Variants in AGBL1 observed in about 807,000 individuals in gnomAD.
AGBL1 encodes the protein AGBL carboxypeptidase 1, also known as cytosolic carboxypeptidase 4.
A neutral mutation model predicts 118.9 loss-of-function variants in AGBL1; 130 were observed. The observed-to-expected ratio is 1.09, with a 90% CI of 0.95 to 1.26. The LOEUF (loss-of-function observed/expected upper bound fraction) is 1.26, where lower values mean the gene tolerates loss of function less well. AGBL1 is among the 50% of genes most tolerant of loss of function. AGBL1 has a pLI of 0.00. For synonymous variants in AGBL1, 555 were observed against 478.9 expected, an observed-to-expected ratio of 1.16 and a Z score of -2.08; for missense variants, 1,584 against 1,298.1, an observed-to-expected ratio of 1.22 and a Z score of -3.38.
chr15:86,807,819 T>C (rs1046477893), intron 22 of AGBL1, among the ~76,000 whole-genome samples: 38 of 152,182 alleles, frequency 2.5e-4, no homozygotes, highest in Admixed American at 2.3e-3. Flanking sequence ...ACTTTTGTTA[T>C]CAAATAAAAA....
At chr15:86,139,593 T>C (rs995227481) in intron 1 of AGBL1, among the ~76,000 whole-genome samples, 2 of 150,758 alleles carry the variant, frequency 1.3e-5, no homozygotes, top group African/African-American at 4.9e-5. Flanking sequence ...AACTCGTCTC[T>C]TCTGAAAACA....
chr15:86,463,656 A>G (rs1457568161), intron 18 of AGBL1, among the ~76,000 whole-genome samples: 2 of 152,190 alleles, frequency 1.3e-5, no homozygotes, highest in Admixed American at 6.5e-5. Flanking sequence ...TTTTCTGCAT[A>G]TAGCTAGTGA....
At chr15:86,286,956 T>C (rs2079464727) in intron 16 of AGBL1, among the ~76,000 whole-genome samples, 1 of 152,084 alleles carries the variant, frequency 6.6e-6, no homozygotes, top group Non-Finnish European at 1.5e-5. Flanking sequence ...CCAAAATAGC[T>C]GCACTAATTT....
chr15:86,114,000 T>A (rs756107062), intron 1 of AGBL1, among the ~76,000 whole-genome samples: 1 of 152,230 alleles, frequency 6.6e-6, no homozygotes, highest in African/African-American at 2.4e-5. Flanking sequence ...AAGAGCATTC[T>A]ACACATAAGT....
intron 13 of AGBL1, among the ~76,000 whole-genome samples, chr15:86,269,607 T>C (rs909071333): frequency 1.3e-5 from 2 of 152,220 alleles, no homozygotes; most frequent in African/African-American, 4.8e-5. Context: ...ATTGTATTAT[T>C]GTATCAAAAT....
intron 5 of AGBL1, among the ~76,000 whole-genome samples, chr15:86,215,813 A>G (rs1474789778): frequency 6.6e-6 from 1 of 152,230 alleles, no homozygotes; most frequent in Non-Finnish European, 1.5e-5. Flanking sequence ...TGTACCATGA[A>G]GAACAGTTTG....
At chr15:86,296,853 T>C (rs2079653468) in intron 17 of AGBL1, 1 of 152,196 alleles carries the variant, frequency 6.6e-6, no homozygotes, top group Non-Finnish European at 1.5e-5. Flanking sequence ...CAATTATTTA[T>C]TTAAGAAAGT....
At chr15:86,245,907 GT>G (rs529206927) in intron 6 of AGBL1, among the ~76,000 whole-genome samples, 3 of 149,940 alleles carry the variant, frequency 2.0e-5, no homozygotes, top group Admixed American at 6.6e-5. Context: ...TTCTTTCTTT[GT>G]TTTTTTTTCT....
intron 1 of AGBL1, among the ~76,000 whole-genome samples, chr15:86,087,462 G>C (rs1432261123): frequency 6.6e-6 from 1 of 151,920 alleles, no homozygotes; most frequent in East Asian, 1.9e-4. Flanking sequence ...CTGAGTAGCT[G>C]GGATTATAGG....
chr15:86,495,831 A>T (rs1353172686), intron 18 of AGBL1, among the ~76,000 whole-genome samples: 1 of 151,540 alleles, frequency 6.6e-6, no homozygotes, highest in Non-Finnish European at 1.5e-5. Context: ...AGATTTTTTT[A>T]TCTTGCTTTT....
intron 5 of AGBL1, among the ~76,000 whole-genome samples, chr15:86,174,922 A>G (rs1389811375): frequency 3.3e-5 from 5 of 151,612 alleles, no homozygotes; most frequent in South Asian, 4.2e-4. Context: ...TTTGTTGAGG[A>G]CTTTTGCATC....
chr15:86,653,202 G>A (rs2085406301), intron 21 of AGBL1, among the ~76,000 whole-genome samples: 1 of 152,054 alleles, frequency 6.6e-6, no homozygotes, highest in African/African-American at 2.4e-5. Flanking sequence ...CATCCCAGGG[G>A]ATCCTGATAC....
intron 23 of AGBL1, among the ~76,000 whole-genome samples, chr15:86,956,254 TAGA>T (rs1449712070): frequency 2.0e-5 from 3 of 149,430 alleles, no homozygotes; most frequent in African/African-American, 5.0e-5. Context: ...GATAGATAGA[TAGA>T]TAGATTAGAT....
At chr15:86,734,392 G>A (rs1340402846) in intron 22 of AGBL1, among the ~76,000 whole-genome samples, 1 of 152,108 alleles carries the variant, frequency 6.6e-6, no homozygotes, top group Non-Finnish European at 1.5e-5. Flanking sequence ...GAACTTGATA[G>A]CAGGGAGTGA....
At chr15:86,727,211 G>T (rs2086834081) in intron 22 of AGBL1, among the ~76,000 whole-genome samples, 1 of 152,054 alleles carries the variant, frequency 6.6e-6, no homozygotes, top group African/African-American at 2.4e-5. Context: ...TATCAGGAAG[G>T]TGTGAGACAT....
At chr15:86,180,067 A>T (rs1356481684) in intron 5 of AGBL1, among the ~76,000 whole-genome samples, 1 of 152,056 alleles carries the variant, frequency 6.6e-6, no homozygotes, top group Non-Finnish European at 1.5e-5. Context: ...ATAGAGAGAT[A>T]ACTAGAGGTA....
chr15:86,150,103 G>T (rs558640727), intron 3 of AGBL1, among the ~76,000 whole-genome samples: 3 of 152,330 alleles, frequency 2.0e-5, no homozygotes, highest in East Asian at 1.9e-4. Context: ...CAATGTACCA[G>T]AATCTCTGGG....
chr15:86,931,391 C>T (rs1471854514), intron 23 of AGBL1, among the ~76,000 whole-genome samples: 3 of 152,082 alleles, frequency 2.0e-5, no homozygotes, highest in African/African-American at 7.2e-5. Context: ...CCTTGCTTGG[C>T]GCCTTGCAGA....
intron 17 of AGBL1, among the ~76,000 whole-genome samples, chr15:86,328,542 T>G (rs2080222249): frequency 6.6e-6 from 1 of 152,128 alleles, no homozygotes; most frequent in South Asian, 2.1e-4. Flanking sequence ...AAAGATAAAC[T>G]CTGTGAGCCT....
Sources: gnomAD v4.1 joint callset for allele counts (sites outside exome capture counted in the v4.1 genomes callset) on GRCh38, gnomAD v4.1.1 for gene constraint, MANE v1.5 for transcripts, NCBI Gene and HGNC (gene_info 2026-07-23, HGNC 2026-07-21) for gene names.